Variants in SORCS1 observed in about 807,000 individuals in gnomAD.
SORCS1 encodes the protein sortilin related VPS10 domain containing receptor 1.
A neutral mutation model predicts 146.1 loss-of-function variants in SORCS1; 60 were observed. The observed-to-expected ratio is 0.41, with a 90% CI of 0.33 to 0.51. The LOEUF is 0.51. Ranked by LOEUF, SORCS1 falls within the 20% of genes least tolerant of loss-of-function variation. The probability of loss-of-function intolerance (pLI) is 0.21; values close to 1 mark genes in which losing one functional copy is unlikely to be tolerated. For synonymous variants in SORCS1, 637 were observed against 584.0 expected (o/e 1.09, Z -1.31); for missense variants, 1,352 against 1,487.6 (o/e 0.91, Z 1.50).
chr10:106,688,469 G>T, intron 9 of SORCS1, 131 bp from the exon 10 acceptor site: 1 of 989,034 alleles, frequency 1.0e-6, no homozygotes, highest in Non-Finnish European at 1.5e-6. Context: ...GTTGACGATG[G>T]GGGAAGGAGG....
chr10:107,003,051 G>A (rs1321347651), intron 1 of SORCS1, among the ~76,000 whole-genome samples: 1 of 152,022 alleles, frequency 6.6e-6, no homozygotes, highest in Admixed American at 6.6e-5. Flanking sequence ...CGGTCAGGAG[G>A]TCGAGACCAG....
chr10:106,850,447 C>T (rs1157765157), intron 2 of SORCS1, among the ~76,000 whole-genome samples: 16 of 152,042 alleles, frequency 1.1e-4, no homozygotes, highest in Admixed American at 9.8e-4. Flanking sequence ...CTTCGGCTCG[C>T]ACACGGTGCG....
At chr10:106,873,637 TG>T (rs1950496440) in intron 2 of SORCS1, among the ~76,000 whole-genome samples, 1 of 136,740 alleles carries the variant, frequency 7.3e-6, no homozygotes, top group African/African-American at 2.5e-5. Flanking sequence ...CATACGTTCC[TG>T]CTTTTTAGAT....
At chr10:107,120,237 A>C (rs771733717) in intron 1 of SORCS1, among the ~76,000 whole-genome samples, 3 of 152,206 alleles carry the variant, frequency 2.0e-5, no homozygotes, top group Non-Finnish European at 4.4e-5. Context: ...GCATCTTCAT[A>C]CATCATATAT....
At chr10:106,878,782 T>C (rs1020723980) in intron 2 of SORCS1, among the ~76,000 whole-genome samples, 1 of 151,128 alleles carries the variant, frequency 6.6e-6, no homozygotes, top group Non-Finnish European at 1.5e-5. Flanking sequence ...TTCTAGGTTT[T>C]TTGCATTTTT....
At chr10:107,130,144 A>G (rs1222161615) in intron 1 of SORCS1, among the ~76,000 whole-genome samples, 9 of 152,250 alleles carry the variant, frequency 5.9e-5, no homozygotes, top group Admixed American at 5.9e-4. Flanking sequence ...TTAAGACTTC[A>G]TTGTGAGTTA....
intron 2 of SORCS1, among the ~76,000 whole-genome samples, chr10:106,843,070 T>G (rs572808858): frequency 1.1e-4 from 16 of 152,348 alleles, no homozygotes; most frequent in Non-Finnish European, 1.9e-4. Context: ...CTTAATTATA[T>G]GTCCATTACC....
At chr10:107,026,137 A>G (rs1253345962) in intron 1 of SORCS1, among the ~76,000 whole-genome samples, 2 of 152,326 alleles carry the variant, frequency 1.3e-5, no homozygotes, top group East Asian at 1.9e-4. Flanking sequence ...CAGATTTTCA[A>G]ATGAATTTGG....
intron 2 of SORCS1, among the ~76,000 whole-genome samples, chr10:106,872,252 G>T (rs548491751): frequency 1.3e-5 from 2 of 152,162 alleles, no homozygotes; most frequent in Admixed American, 1.3e-4. Flanking sequence ...GACATAATTG[G>T]GCCAGGTGCA....
rs550879625 is a variant in SORCS1, at chr10:106,883,017, T to C, written c.627-53344A>G. 5.9e-5 allele frequency among the ~76,000 whole-genome samples: 9 copies of C among 152,350 alleles called. No individual in the cohort carries two copies. In the South Asian group the frequency reaches 6.2e-4, roughly 11 times the overall value. Reference sequence around the variant, plus strand: ...CATTTCGACTACAAAAGCCGTATGATTGCAGAAATGATTGTTGAAAGACCT... The same window carrying C: ...CATTTCGACTACAAAAGCCGTATGACTGCAGAAATGATTGTTGAAAGACCT... On this transcript the variant is annotated intron_variant, in intron 2 of 25. Coordinates refer to ENST00000263054, the MANE Select transcript of SORCS1 (RefSeq NM_052918.5).
chr10:107,015,242 G>A (rs561360386), intron 1 of SORCS1, among the ~76,000 whole-genome samples: 2 of 152,268 alleles, frequency 1.3e-5, no homozygotes, highest in Non-Finnish European at 2.9e-5. Flanking sequence ...AGCCAACAAA[G>A]CCAAGACCTC....
chr10:106,751,715 T>C (rs1442763689), intron 5 of SORCS1, among the ~76,000 whole-genome samples: 1 of 152,198 alleles, frequency 6.6e-6, no homozygotes, highest in Non-Finnish European at 1.5e-5. Context: ...AGAGGTTACC[T>C]ACTATAGCTC....
At chr10:106,701,357 G>C (rs948585419) in intron 8 of SORCS1, among the ~76,000 whole-genome samples, 2 of 152,058 alleles carry the variant, frequency 1.3e-5, no homozygotes, top group African/African-American at 4.8e-5. Flanking sequence ...TTTAGAACCG[G>C]CTTTCAGAAT....
At chr10:106,924,766 T>TTG (rs71025566) in intron 2 of SORCS1, among the ~76,000 whole-genome samples, 74,393 of 144,012 alleles carry the variant, frequency 0.52, 20,535 homozygotes, top group Non-Finnish European at 0.62. Context: ...CTGCATGGAT[T>TTG]TTTTTTTTTT....
intron 5 of SORCS1, among the ~76,000 whole-genome samples, chr10:106,758,517 C>T (rs1858831581): frequency 6.6e-6 from 1 of 152,156 alleles, no homozygotes; most frequent in Non-Finnish European, 1.5e-5. Context: ...ATTAGCAAAG[C>T]AGCAACTCCA....
intron 2 of SORCS1, among the ~76,000 whole-genome samples, chr10:106,955,202 G>T (rs1275307832): frequency 6.6e-6 from 1 of 152,258 alleles, no homozygotes; most frequent in Non-Finnish European, 1.5e-5. Context: ...CCAGGGCTGT[G>T]TTATGCTGTA....
At chr10:106,737,621 A>G (rs1447758029) in intron 5 of SORCS1, among the ~76,000 whole-genome samples, 1 of 152,076 alleles carries the variant, frequency 6.6e-6, no homozygotes, top group East Asian at 1.9e-4. Context: ...GCTACTCAGG[A>G]GGCTGAGGCA....
chr10:106,867,937 C>G (rs1950279855), intron 2 of SORCS1, among the ~76,000 whole-genome samples: 1 of 152,100 alleles, frequency 6.6e-6, no homozygotes, highest in Non-Finnish European at 1.5e-5. Context: ...AAGCAAGATC[C>G]CATGAAATGC....
intron 4 of SORCS1, among the ~76,000 whole-genome samples, chr10:106,775,306 G>A (rs1860346514): frequency 1.3e-5 from 2 of 152,214 alleles, no homozygotes; most frequent in South Asian, 4.1e-4. Flanking sequence ...CAGATGCACT[G>A]TGGCTTGACT....
Sources: gnomAD v4.1 joint callset for allele counts (sites outside exome capture counted in the v4.1 genomes callset) on GRCh38, gnomAD v4.1.1 for gene constraint, MANE v1.5 for transcripts, NCBI Gene and HGNC (gene_info 2026-07-23, HGNC 2026-07-21) for gene names.